Variants in COP1 observed in about 807,000 individuals in gnomAD.
COP1 encodes the protein E3 ubiquitin-protein ligase COP1.
A neutral mutation model predicts 101.3 loss-of-function variants in COP1; 24 were observed. The ratio of observed to expected loss-of-function variants is 0.24; its 90% CI spans 0.17 to 0.33. The LOEUF (loss-of-function observed/expected upper bound fraction) is 0.33, where lower values mean the gene tolerates loss of function less well. Ranked by LOEUF, COP1 falls within the 10% of genes least tolerant of loss-of-function variation. COP1 has a pLI of 1.00. For synonymous variants in COP1, 347 were observed against 341.9 expected (o/e 1.01, Z -0.17); for missense variants, 663 against 906.2 (o/e 0.73, Z 3.45).
At chr1:176,105,767 T>C (rs1043272611) in intron 9 of COP1, among the ~76,000 whole-genome samples, 6 of 152,334 alleles carry the variant, frequency 3.9e-5, no homozygotes, top group South Asian at 2.1e-4. Context: ...TTGGTCAGCA[T>C]TGTTTAGTAA....
At chr1:175,976,174 T>C (rs1654493554) in intron 18 of COP1, among the ~76,000 whole-genome samples, 1 of 151,884 alleles carries the variant, frequency 6.6e-6, no homozygotes, top group African/African-American at 2.4e-5. Context: ...GGCTAATTTG[T>C]TAATTGGGAA....
At chr1:175,955,771 C>CACACACACACAA (rs1558158868) in intron 18 of COP1, among the ~76,000 whole-genome samples, 1 of 148,642 alleles carries the variant, frequency 6.7e-6, no homozygotes, top group African/African-American at 2.4e-5. Flanking sequence ...ACAAACCACA[C>CACACACACACAA]ACACACACAC....
chr1:176,106,335 T>A (rs1283991880), intron 9 of COP1, among the ~76,000 whole-genome samples: 1 of 152,134 alleles, frequency 6.6e-6, no homozygotes, highest in Non-Finnish European at 1.5e-5. Flanking sequence ...CCAGCCAATT[T>A]ACAGGTTACA....
intron 2 of COP1, among the ~76,000 whole-genome samples, chr1:176,177,248 A>G (rs1306535063): frequency 6.6e-6 from 1 of 151,988 alleles, no homozygotes; most frequent in Non-Finnish European, 1.5e-5. Flanking sequence ...CTATAATGTT[A>G]AACCTTTTAC....
intron 6 of COP1, among the ~76,000 whole-genome samples, chr1:176,141,387 G>A (rs527319275): frequency 6.6e-6 from 1 of 152,196 alleles, no homozygotes; most frequent in African/African-American, 2.4e-5. Flanking sequence ...TGTAATACCA[G>A]CTACTTGGGA....
chr1:176,176,077 A>C (rs1360054829), intron 2 of COP1, 70 bp from the exon 3 acceptor site: 2 of 758,354 alleles, frequency 2.6e-6, no homozygotes, highest in Non-Finnish European at 2.3e-6. Flanking sequence ...TCACAAAATA[A>C]TGACTATTAG....
chr1:176,046,469 A>C, intron 11 of COP1, 145 bp from the exon 12 acceptor site: 1 of 707,310 alleles, frequency 1.4e-6, no homozygotes, highest in Non-Finnish European at 2.3e-6. Context: ...TAATCAACAC[A>C]TATCAAATTA....
At chr1:176,086,018 CTG>C (rs1395069856) in intron 9 of COP1, 128 bp from the exon 10 acceptor site, 12 of 483,332 alleles carry the variant, frequency 2.5e-5, no homozygotes, top group Non-Finnish European at 4.5e-5. Flanking sequence ...TAGTAAAAAA[CTG>C]TAATTCTGAG....
intron 15 of COP1, among the ~76,000 whole-genome samples, chr1:176,003,431 T>C (rs952959962): frequency 3.9e-5 from 6 of 152,028 alleles, no homozygotes; most frequent in African/African-American, 1.4e-4. Context: ...TGCCCATGCC[T>C]ATGTCCTGAA....
Position 175,987,021 on chromosome 1 carries a change from A to G in COP1, c.2055T>C (p.Ser685=), listed in dbSNP as rs1320283915. 2 of 1,611,430 alleles carry G rather than the reference A, an allele frequency of 1.2e-6. No homozygotes were observed. Among genetic ancestry groups the G allele is most frequent in the South Asian group, 1.1e-5 (1 of 90,910 alleles). ...CTTCTTTTCGGTCTTTGTCGAGAAC[A>G]CTTTTGACTGTATCAAACTTAAAAG... The part of the protein sequence containing the change: ...LLTFKFDTVK[S]VLDKDRKEDD... Residue 685 remains serine, a synonymous_variant, in exon 18 of 20, where the codon AGT becomes AGC. Coordinates refer to ENST00000367669, the MANE Select transcript of COP1 (RefSeq NM_022457.7).
chr1:176,025,960 C>G (rs953424015), intron 15 of COP1, among the ~76,000 whole-genome samples: 5 of 151,938 alleles, frequency 3.3e-5, no homozygotes, highest in African/African-American at 1.2e-4. Context: ...GACATACTAT[C>G]ACAATAATGC....
chr1:176,050,489 A>G (rs1284853024), intron 11 of COP1, among the ~76,000 whole-genome samples: 1 of 152,378 alleles, frequency 6.6e-6, no homozygotes, highest in East Asian at 1.9e-4. Context: ...AAATTAAAAT[A>G]TAAAGTAAGA....
chr1:176,004,456 T>G (rs1662570516), intron 15 of COP1, among the ~76,000 whole-genome samples: 1 of 131,480 alleles, frequency 7.6e-6, no homozygotes, highest in Non-Finnish European at 1.7e-5. Flanking sequence ...GCTTCCAGTT[T>G]TTGCCCATTC....
chr1:175,972,616 G>A lies in COP1; in HGVS notation c.2133+14327C>T, dbSNP rs767450410. 4.0e-5 allele frequency among the ~76,000 whole-genome samples: 6 copies of A among 151,036 alleles called. No individual in the cohort carries two copies. The East Asian group carries it at 7.9e-4, about 20-fold the overall frequency. ...AGTAGCTGGGATTACAGGCGCCCAC[G>A]GCCATGCCCGGCTAATTTTTGTATT... On this transcript the variant is annotated intron_variant, in intron 18 of 19. Coordinates refer to ENST00000367669, the MANE Select transcript of COP1 (RefSeq NM_022457.7).
chr1:176,119,073 T>C (rs1686677102), intron 8 of COP1, among the ~76,000 whole-genome samples: 1 of 152,230 alleles, frequency 6.6e-6, no homozygotes, highest in African/African-American at 2.4e-5. Context: ...ATTCAAATGT[T>C]CTTGTCATGA....
At chr1:176,076,237 A>G (rs1677983302) in intron 11 of COP1, among the ~76,000 whole-genome samples, 1 of 152,142 alleles carries the variant, frequency 6.6e-6, no homozygotes, top group African/African-American at 2.4e-5. Flanking sequence ...GCAAGTCTCA[A>G]TAAATTAAAA....
At chr1:176,023,668 A>G (rs541098188) in intron 15 of COP1, among the ~76,000 whole-genome samples, 1 of 149,672 alleles carries the variant, frequency 6.7e-6, no homozygotes, top group East Asian at 2.0e-4. Context: ...CAGTGAGCTG[A>G]GATCGTGCCA....
intron 9 of COP1, among the ~76,000 whole-genome samples, chr1:176,112,766 G>C (rs1351596620): frequency 6.6e-6 from 1 of 151,846 alleles, no homozygotes; most frequent in East Asian, 1.9e-4. Context: ...GCCTCCATGA[G>C]ATCCACTTTT....
intron 18 of COP1, chr1:175,982,429 C>A (rs1242958848): frequency 2.2e-6 from 1 of 456,380 alleles, no homozygotes. Flanking sequence ...ACTTCTTTCT[C>A]CTCCTTCTCA....
Sources: allele counts gnomAD v4.1 joint callset (sites outside exome capture counted in the v4.1 genomes callset), GRCh38; gene constraint gnomAD v4.1.1; transcripts MANE v1.5; gene names NCBI Gene and HGNC (gene_info 2026-07-23, HGNC 2026-07-21).